STAG1: variants seen among roughly 807,000 people sequenced by gnomAD.
STAG1 encodes the protein STAG1 cohesin complex component.
Under a neutral mutation model 170.9 loss-of-function variants are expected in STAG1, and 26 were observed. The observed-to-expected ratio is 0.15, with a 90% confidence interval of 0.11 to 0.21. The LOEUF (loss-of-function observed/expected upper bound fraction) is 0.21, where lower values mean the gene tolerates loss of function less well. Among genes scored for constraint, STAG1 ranks in the 10% least tolerant of loss-of-function variants. The pLI is 1.00. For synonymous variants in STAG1, 514 were observed against 497.7 expected (o/e 1.03, Z -0.44); for missense variants, 964 against 1,509.5 (o/e 0.64, Z 5.99).
chr3:136,692,059 A>C (rs1942743741), intron 1 of STAG1, among the ~76,000 whole-genome samples: 1 of 152,282 alleles, frequency 6.6e-6, no homozygotes, highest in Non-Finnish European at 1.5e-5. Context: ...TCATGCCTGT[A>C]ATCCCAGTAC....
rs182403083 is a variant in STAG1 at position 136,417,731 on chromosome 3, A to G, written c.2196+154T>C. On this transcript the variant is annotated intron_variant, in intron 21 of 33. Transcript: ENST00000383202. ...ATAAGCCAGTATAATACACCTATCA[A>G]TAACATTTAATTACTACAGCAATAA... 53 of 626,096 alleles carry G rather than the reference A, an allele frequency of 8.5e-5. No homozygotes were observed. The East Asian group carries it at 1.4e-3, about 17-fold the overall frequency. The allele number at this position is 626,096 out of a possible 1,614,324, so 38.8% of individuals were successfully genotyped here.
At chr3:136,610,554 G>A (rs1939222312) in intron 3 of STAG1, among the ~76,000 whole-genome samples, 1 of 152,090 alleles carries the variant, frequency 6.6e-6, no homozygotes, top group African/African-American at 2.4e-5. Context: ...ATCAACATGT[G>A]AAGATACTGG....
At chr3:136,671,805 C>G (rs1451861231) in intron 1 of STAG1, among the ~76,000 whole-genome samples, 1 of 151,472 alleles carries the variant, frequency 6.6e-6, no homozygotes, top group Non-Finnish European at 1.5e-5. Context: ...TCACTTGAGC[C>G]CAGGACGCCG....
intron 6 of STAG1, among the ~76,000 whole-genome samples, chr3:136,524,820 G>T (rs1262164099): frequency 6.6e-6 from 1 of 152,092 alleles, no homozygotes. Flanking sequence ...GTTGAATTTT[G>T]TCAAAGGCCT....
intron 4 of STAG1, among the ~76,000 whole-genome samples, chr3:136,602,834 T>A (rs1166922517): frequency 6.6e-5 from 10 of 152,172 alleles, no homozygotes; most frequent in Non-Finnish European, 7.3e-5. Context: ...AGCAAGACTC[T>A]GTCTCAGAAA....
intron 14 of STAG1, among the ~76,000 whole-genome samples, chr3:136,444,163 T>A (rs1029940000): frequency 4.6e-5 from 7 of 151,876 alleles, no homozygotes; most frequent in Admixed American, 3.9e-4. Context: ...AACCTCCACC[T>A]CCTGCGTTCA....
intron 22 of STAG1, among the ~76,000 whole-genome samples, chr3:136,379,183 T>A (rs1431747126): frequency 5.9e-5 from 9 of 152,092 alleles, no homozygotes; most frequent in Non-Finnish European, 4.4e-5. Flanking sequence ...ACTTTAATTT[T>A]AAACATTCAA....
chr3:136,502,918 T>G (rs953087208), intron 7 of STAG1, 139 bp from the exon 8 acceptor site: 5 of 659,910 alleles, frequency 7.6e-6, no homozygotes, highest in African/African-American at 1.9e-5. Flanking sequence ...TAAGTTTAAA[T>G]AAAAGATAAC....
chr3:136,650,746 C>A (rs1489395429), intron 1 of STAG1, among the ~76,000 whole-genome samples: 1 of 151,832 alleles, frequency 6.6e-6, no homozygotes, highest in Non-Finnish European at 1.5e-5. Flanking sequence ...TATGATAGTA[C>A]TGTGAGGAGA....
intron 1 of STAG1, among the ~76,000 whole-genome samples, chr3:136,682,464 C>T (rs890483959): frequency 9.4e-4 from 133 of 141,280 alleles, no homozygotes; most frequent in African/African-American, 3.2e-3. Context: ...TATATATATA[C>T]ACATATGGAC....
chr3:136,734,023 C>T (rs1576827762), intron 1 of STAG1, among the ~76,000 whole-genome samples: 1 of 149,718 alleles, frequency 6.7e-6, no homozygotes. Context: ...AGGAGAATGG[C>T]GTGAATCCGG....
In STAG1 at chr3:136,582,407, G is replaced by T. The variant is rs377294167; in HGVS notation, c.298-13546C>A. On this transcript the variant is annotated intron_variant, in intron 4 of 33. Transcript: ENST00000383202. Reference sequence around the variant, plus strand: ...TAACATTAACCACCTGTTTCTCAGAGAGCCATTAGCAAGAGCTGATAATGG... The same window carrying T: ...TAACATTAACCACCTGTTTCTCAGATAGCCATTAGCAAGAGCTGATAATGG... 3.9e-5 allele frequency among the ~76,000 whole-genome samples: 6 copies of T among 152,178 alleles called. No individual in the cohort carries two copies. The East Asian group carries it at 9.6e-4, about 24-fold the overall frequency.
intron 1 of STAG1, among the ~76,000 whole-genome samples, chr3:136,685,914 G>A (rs1460050101): frequency 2.5e-5 from 2 of 80,894 alleles, no homozygotes; most frequent in Admixed American, 1.9e-4. Flanking sequence ...TAGTATGTCT[G>A]AAGAATAAAG....
At chr3:136,663,842 T>C (rs973552021) in intron 1 of STAG1, among the ~76,000 whole-genome samples, 5 of 152,032 alleles carry the variant, frequency 3.3e-5, no homozygotes, top group Admixed American at 6.6e-5. Flanking sequence ...ATGTGGGTGA[T>C]ACCTAGAAAA....
chr3:136,744,302 G>A (rs1189540328), intron 1 of STAG1, among the ~76,000 whole-genome samples: 2 of 152,126 alleles, frequency 1.3e-5, no homozygotes, highest in African/African-American at 4.8e-5. Context: ...ACTCCAGCCT[G>A]GGCAACAAGG....
chr3:136,618,971 A>G (rs185187196), intron 3 of STAG1, among the ~76,000 whole-genome samples: 139 of 152,288 alleles, frequency 9.1e-4, no homozygotes, highest in Admixed American at 7.8e-3. Flanking sequence ...AAACTAATAG[A>G]TACCAAAATA....
chr3:136,736,140 A>G (rs1316276728), intron 1 of STAG1, among the ~76,000 whole-genome samples: 1 of 152,228 alleles, frequency 6.6e-6, no homozygotes, highest in Non-Finnish European at 1.5e-5. Flanking sequence ...TTTAAAAAAT[A>G]TGTTTAACTG....
At chr3:136,534,881 C>CA (rs1442759380) in intron 6 of STAG1, among the ~76,000 whole-genome samples, 11 of 152,278 alleles carry the variant, frequency 7.2e-5, no homozygotes, top group Non-Finnish European at 1.3e-4. Context: ...TATGATCCAG[C>CA]AATCCCACTA....
chr3:136,500,928 C>T (rs1386141078), intron 8 of STAG1, among the ~76,000 whole-genome samples: 1 of 152,190 alleles, frequency 6.6e-6, no homozygotes, highest in Non-Finnish European at 1.5e-5. Context: ...ACAACAACAG[C>T]ACTGAATTAC....
Sources: gnomAD v4.1 joint callset for allele counts (sites outside exome capture counted in the v4.1 genomes callset) on GRCh38, gnomAD v4.1.1 for gene constraint, MANE v1.5 for transcripts, NCBI Gene and HGNC (gene_info 2026-07-23, HGNC 2026-07-21) for gene names.